PTCD3: variants seen among roughly 807,000 people sequenced by gnomAD.
PTCD3 encodes small ribosomal subunit protein mS39.
PTCD3 carries 89 observed loss-of-function variants against 101.9 expected under a neutral mutation model. The observed-to-expected ratio is 0.87, with a 90% CI of 0.74 to 1.04. The LOEUF (loss-of-function observed/expected upper bound fraction) is 1.04, where lower values mean the gene tolerates loss of function less well. PTCD3 is among the 50% of genes least tolerant of loss of function. The pLI is 0.00. For missense variants in PTCD3, 870 were observed against 828.2 expected, an observed-to-expected ratio of 1.05 and a Z score of -0.62; for synonymous variants, 296 against 278.5, an observed-to-expected ratio of 1.06 and a Z score of -0.63.
chr2:86,118,517 T>C (rs1430916714), intron 6 of PTCD3, among the ~76,000 whole-genome samples: 7 of 152,222 alleles, frequency 4.6e-5, no homozygotes, highest in Admixed American at 4.6e-4. Context: ...AGTCAAAATA[T>C]TAAAATCCTA....
At chr2:86,134,533 C>A (rs1035227312) in intron 20 of PTCD3, among the ~76,000 whole-genome samples, 156 bp downstream of exon 20, 1 of 152,184 alleles carries the variant, frequency 6.6e-6, no homozygotes, top group Non-Finnish European at 1.5e-5. Context: ...TAGCAGAAAT[C>A]TGTTCTTAAA....
Position 86,123,762 on chromosome 2 carries a change from G to A in PTCD3, c.716G>A (p.Arg239Gln), listed in dbSNP as rs140497362. The change falls in exon 9 of 24, where the codon CGA becomes CAA. Residue 239 changes from arginine to glutamine, a missense_variant and splice_region_variant. Physicochemically the swap from Arg to Gln is conservative, Grantham distance 43. Coordinates refer to ENST00000254630, the MANE Select transcript of PTCD3 (RefSeq NM_017952.6). The stretch of plus-strand genomic sequence containing the variant: ...GGTCATCAGTTTGGAGTTACATGGC[G>A]GTATGTCACACGTAATTAGAACCTT... ...KAGHQFGVTW[R>Q]AKNNAERIFS... 6.9e-6 allele frequency: 11 copies of A among 1,594,516 alleles called. No individual in the cohort carries two copies. Among genetic ancestry groups the A allele is most frequent in the East Asian group, 6.8e-5 (3 of 44,382 alleles).
Position 86,137,650 on chromosome 2 carries a change from AAAG to A in PTCD3, c.*97_*99del. On this transcript the variant is annotated 3_prime_UTR_variant, in exon 24 of 24. Coordinates refer to ENST00000254630, the MANE Select transcript of PTCD3 (RefSeq NM_017952.6). ...ATATACCAATATTTAACATTGTTAC[AAAG>A]AAGAAAAGATACAGATTTGGTGAAT... The A allele has an allele frequency of 1.3e-6, 2 of 1,544,508 alleles. No homozygotes were observed. The highest frequency in any genetic ancestry group is 1.8e-6 in the Non-Finnish European group (2 of 1,142,020).
chr2:86,119,162 T>TGGC, intron 7 of PTCD3, 118 bp downstream of exon 7: 1 of 1,303,976 alleles, frequency 7.7e-7, no homozygotes, highest in Non-Finnish European at 1.1e-6. Flanking sequence ...TCTGCTTTGA[T>TGGC]GGCTGCGTGC....
At chr2:86,128,605 A>T (rs74991657) in intron 14 of PTCD3, among the ~76,000 whole-genome samples, 2,045 of 152,262 alleles carry the variant, frequency 0.013, 36 homozygotes, top group African/African-American at 0.043. Flanking sequence ...TCTTTGCCAA[A>T]AGTTTGTGGA....
chr2:86,108,752 T>C, intron 3 of PTCD3: 1 of 448,796 alleles, frequency 2.2e-6, no homozygotes, highest in Non-Finnish European at 4.0e-6. Flanking sequence ...AAAAGAACAA[T>C]TGAAAGAGAT....
At chr2:86,130,988 G>C in intron 15 of PTCD3, 90 bp from the exon 16 acceptor site, 9 of 1,436,490 alleles carry the variant, frequency 6.3e-6, no homozygotes, top group Non-Finnish European at 8.6e-6. Flanking sequence ...CATGTTACCA[G>C]TTTTGTTGGC....
intron 7 of PTCD3, among the ~76,000 whole-genome samples, chr2:86,120,759 G>A (rs1463193813): frequency 6.6e-6 from 1 of 152,172 alleles, no homozygotes; most frequent in African/African-American, 2.4e-5. Flanking sequence ...GCCAGGTGCA[G>A]TGGCACATAC....
At chr2:86,108,063 G>C (rs936894985) in intron 1 of PTCD3, among the ~76,000 whole-genome samples, 3 of 151,658 alleles carry the variant, frequency 2.0e-5, no homozygotes, top group African/African-American at 7.3e-5. Flanking sequence ...GAGTTCAAGG[G>C]TTCAGTGAGC....
intron 14 of PTCD3, among the ~76,000 whole-genome samples, chr2:86,130,439 A>G (rs1258987962): frequency 2.0e-5 from 3 of 152,256 alleles, no homozygotes; most frequent in Non-Finnish European, 4.4e-5. Flanking sequence ...GCACATGAAC[A>G]GAGACCTGTG....
chr2:86,116,474 T>C, intron 4 of PTCD3, 56 bp from the exon 5 acceptor site: 1 of 1,409,046 alleles, frequency 7.1e-7, no homozygotes, highest in African/African-American at 1.4e-5. Context: ...GAGCTAAAAG[T>C]TACAGTGAGC....
At chr2:86,135,116 C>G in intron 21 of PTCD3, 129 bp downstream of exon 21, 1 of 1,165,524 alleles carries the variant, frequency 8.6e-7, no homozygotes, top group East Asian at 2.4e-5. Context: ...TTGCAAATAC[C>G]AACTAAAAAG....
chr2:86,131,925 C>T (rs1674499547), intron 16 of PTCD3, among the ~76,000 whole-genome samples: 2 of 152,220 alleles, frequency 1.3e-5, no homozygotes, highest in African/African-American at 4.8e-5. Flanking sequence ...TATGTATATC[C>T]AGGCATACTT....
In PTCD3 at chr2:86,127,314, G is replaced by A. The variant is rs1237634192; in HGVS notation, c.1096+9G>A. The stretch of plus-strand genomic sequence containing the variant: ...GAAAGCCATTGGAATAGGTGAGGAT[G>A]CGCCCTTGAGTTCTCTGAGGACAGA... On this transcript the variant is annotated intron_variant, in intron 13 of 23. Coordinates refer to ENST00000254630, the MANE Select transcript of PTCD3 (RefSeq NM_017952.6). 1.9e-6 allele frequency: 3 copies of A among 1,612,664 alleles called. No individual in the cohort carries two copies. Among genetic ancestry groups the A allele is most frequent in the Non-Finnish European group, 2.5e-6 (3 of 1,179,310 alleles).
rs115208284 is a variant in PTCD3, at chr2:86,134,109, G to A, written c.1544-183G>A. ...GTGATGAACACGTCACTGGAGCAAG[G>A]CCCAGGCATTGGCTTTTACATTTGT... On this transcript the variant is annotated intron_variant, in intron 19 of 23. Coordinates refer to ENST00000254630, the MANE Select transcript of PTCD3 (RefSeq NM_017952.6). 6.4e-3 allele frequency among the ~76,000 whole-genome samples: 973 copies of A among 152,314 alleles called. 10 individuals are homozygous for A. The highest frequency in any genetic ancestry group is 0.022 in the African/African-American group (920 of 41,590).
intron 14 of PTCD3, among the ~76,000 whole-genome samples, 191 bp downstream of exon 14, chr2:86,128,182 A>C (rs747651042): frequency 2.0e-5 from 3 of 151,986 alleles, no homozygotes; most frequent in Non-Finnish European, 4.4e-5. Flanking sequence ...TGCAGCCTTG[A>C]ACTCCTGGGC....
At chr2:86,113,383 G>A (rs775334861) in intron 4 of PTCD3, among the ~76,000 whole-genome samples, 26 of 152,230 alleles carry the variant, frequency 1.7e-4, no homozygotes, top group South Asian at 1.0e-3. Context: ...TCGTCTGTGG[G>A]GAAAAGTCTA....
At position 86,138,147 on chromosome 2, in the gene PTCD3, AT is replaced by A. The variant is rs1403638632; in HGVS notation, c.*593del. 6.6e-6 allele frequency: 1 copy of A among 152,560 alleles called. No individual in the cohort carries two copies. Among genetic ancestry groups the A allele is most frequent in the Admixed American group, 6.5e-5 (1 of 15,350 alleles). The allele number at this position is 152,560 out of a possible 1,614,324, so 9.5% of individuals were successfully genotyped here. On this transcript the variant is annotated 3_prime_UTR_variant, in exon 24 of 24. Coordinates refer to ENST00000254630, the MANE Select transcript of PTCD3 (RefSeq NM_017952.6). ...TGTTGTAATTAGTGTACACGTTTGTATTTTTGTTAATATAGCCGCTGCCATA... is the reference window on the plus strand; with the variant it reads ...TGTTGTAATTAGTGTACACGTTTGTATTTTGTTAATATAGCCGCTGCCATA...
chr2:86,132,279 A>G (rs912297798), intron 16 of PTCD3, 39 bp from the exon 17 acceptor site: 1 of 1,228,118 alleles, frequency 8.1e-7, no homozygotes, highest in East Asian at 2.4e-5. Context: ...ACTGGCTGAC[A>G]GGGTATCAGA....
Sources: gnomAD v4.1 joint callset for allele counts (sites outside exome capture counted in the v4.1 genomes callset) on GRCh38, gnomAD v4.1.1 for gene constraint, MANE v1.5 for transcripts, NCBI Gene and HGNC (gene_info 2026-07-23, HGNC 2026-07-21) for gene names.